Variants in ABCC1 observed in about 807,000 individuals in gnomAD.
The protein encoded by ABCC1 is multidrug resistance-associated protein 1.
Under a neutral mutation model 172.9 loss-of-function variants are expected in ABCC1, and 83 were observed. That is an observed-to-expected ratio of 0.48 (90% CI 0.40 to 0.58). The LOEUF is 0.58. Ranked by LOEUF, ABCC1 falls within the 20% of genes least tolerant of loss-of-function variation. The pLI is 0.00. For missense variants in ABCC1, 1,817 were observed against 2,002.7 expected, an observed-to-expected ratio of 0.91 and a Z score of 1.77; for synonymous variants, 937 against 825.2, an observed-to-expected ratio of 1.14 and a Z score of -2.32.
intron 1 of ABCC1, among the ~76,000 whole-genome samples, chr16:15,983,894 C>A (rs2046686398): frequency 6.6e-6 from 1 of 151,960 alleles, no homozygotes; most frequent in African/African-American, 2.4e-5. Flanking sequence ...CTTAGAGATG[C>A]CTGGGTCTGC....
At chr16:16,012,704 TTGAG>T (rs1334656667) in intron 3 of ABCC1, among the ~76,000 whole-genome samples, 1,717 of 108,502 alleles carry the variant, frequency 0.016, 43 homozygotes, top group African/African-American at 0.072. Context: ...TTTTTTTCCT[TTGAG>T]GCAGAGTTTC....
chr16:16,063,784 C>T (rs1040958425), intron 12 of ABCC1, among the ~76,000 whole-genome samples: 4 of 152,156 alleles, frequency 2.6e-5, no homozygotes, highest in African/African-American at 7.2e-5. Context: ...ATCCTGTCAC[C>T]TCAGCAACCC....
Position 16,141,468 on chromosome 16 carries a change from G to A in ABCC1, c.*187G>A. ...CGGTCCCCTGCCTGGAACTGGCTGT[G>A]AAGACCCAGGAGAGACAGAGATGCG... is the stretch of plus-strand genomic sequence containing the variant. On this transcript the variant is annotated 3_prime_UTR_variant, in exon 31 of 31. Transcript: ENST00000399410. The A allele has an allele frequency of 1.7e-6, 1 of 601,030 alleles. No homozygotes were observed. The allele number at this position is 601,030 out of a possible 1,614,324, so 37.2% of individuals were successfully genotyped here. A position where few individuals can be genotyped will look rare whatever the true frequency, so the allele number is the denominator to read the frequency against.
At position 16,034,306 on chromosome 16, in the gene ABCC1, C is replaced by A. The variant is rs151320625; in HGVS notation, c.677+1136C>A. Among the ~76,000 whole-genome samples, 562 of 151,642 alleles carry A rather than the reference C, an allele frequency of 3.7e-3. 4 individuals carry two copies. Among genetic ancestry groups the A allele is most frequent in the Middle Eastern group, 6.9e-3 (2 of 288 alleles). ...GCCTCCAGAGTGCTGGGATTACAGG[C>A]GTGAACCACCATGCCCGGTCTCATC... On this transcript the variant is annotated intron_variant, in intron 6 of 30. Transcript: ENST00000399410.
intron 21 of ABCC1, 103 bp from the exon 22 acceptor site, chr16:16,111,272 C>A: frequency 1.1e-6 from 1 of 908,026 alleles, no homozygotes. Flanking sequence ...CAAAGGCAGG[C>A]AGCTGGGTGG....
intron 1 of ABCC1, among the ~76,000 whole-genome samples, chr16:16,005,635 T>C (rs374605161): frequency 2.6e-5 from 4 of 152,208 alleles, no homozygotes; most frequent in African/African-American, 7.2e-5. Flanking sequence ...CGTGAGCCAC[T>C]GCGCCCAGAA....
intron 5 of ABCC1, among the ~76,000 whole-genome samples, chr16:16,022,477 C>T (rs922327573): frequency 2.6e-5 from 4 of 152,026 alleles, no homozygotes; most frequent in African/African-American, 9.7e-5. Context: ...GGGATCAAGG[C>T]CAAAGGAGAT....
intron 1 of ABCC1, among the ~76,000 whole-genome samples, chr16:15,959,250 C>A (rs1394450955): frequency 1.3e-5 from 2 of 152,198 alleles, no homozygotes; most frequent in Non-Finnish European, 2.9e-5. Flanking sequence ...GTCTTTTTAC[C>A]TTTTTCCATT....
chr16:16,018,803 T>TTA (rs1555483652), intron 5 of ABCC1, among the ~76,000 whole-genome samples: 3 of 151,140 alleles, frequency 2.0e-5, no homozygotes, highest in African/African-American at 7.3e-5. Flanking sequence ...ATGTGTGTGT[T>TTA]TGTGTGTGTG....
rs187438193 is a variant in ABCC1 at position 15,995,374 on chromosome 16, C to T, written c.49-12442C>T. On this transcript the variant is annotated intron_variant, in intron 1 of 30. Coordinates refer to ENST00000399410, the MANE Select transcript of ABCC1 (RefSeq NM_004996.4). ...CGGCACAGGTTTCTTCATTGCTTTT[C>T]GCCCTTTGCTGAAATGTCATCTTGG... Among the ~76,000 whole-genome samples, 317 of 152,260 alleles carry T rather than the reference C, an allele frequency of 2.1e-3. 2 individuals carry two copies. Among genetic ancestry groups the T allele is most frequent in the African/African-American group, 7.5e-3 (311 of 41,542 alleles).
At chr16:15,982,614 G>A (rs1265705941) in intron 1 of ABCC1, among the ~76,000 whole-genome samples, 2 of 147,872 alleles carry the variant, frequency 1.4e-5, no homozygotes, top group African/African-American at 5.0e-5. Context: ...ATTTGGGTGG[G>A]GACACAGCCA....
chr16:16,045,395 C>CAAAAAA (rs34870561), intron 8 of ABCC1, among the ~76,000 whole-genome samples: 4 of 64,698 alleles, frequency 6.2e-5, no homozygotes, highest in African/African-American at 1.2e-4. Context: ...GACTTTGTCT[C>CAAAAAA]AAAAAAAAAA....
chr16:16,099,580 A>G (rs1215437848), intron 19 of ABCC1, among the ~76,000 whole-genome samples: 1 of 152,238 alleles, frequency 6.6e-6, no homozygotes, highest in African/African-American at 2.4e-5. Context: ...GACTCAGGAA[A>G]TGGGAACTCT....
chr16:16,115,190 G>A, intron 23 of ABCC1, 114 bp downstream of exon 23: 2 of 1,198,672 alleles, frequency 1.7e-6, no homozygotes, highest in Non-Finnish European at 2.3e-6. Context: ...TTTGAAGCAT[G>A]TAGATTTGTT....
intron 1 of ABCC1, among the ~76,000 whole-genome samples, chr16:15,955,973 C>T (rs188639755): frequency 6.6e-6 from 1 of 152,198 alleles, no homozygotes; most frequent in East Asian, 1.9e-4. Context: ...TAGGATGCAG[C>T]GCGGTGGCTT....
At chr16:16,111,631 C>T (rs769012194) in intron 22 of ABCC1, 49 bp downstream of exon 22, 68 of 1,541,922 alleles carry the variant, frequency 4.4e-5, no homozygotes, top group East Asian at 2.3e-5. Context: ...CCTGTTGTGG[C>T]TTTGTCTAAT....
At chr16:15,968,396 G>C (rs1253054780) in intron 1 of ABCC1, among the ~76,000 whole-genome samples, 1 of 151,852 alleles carries the variant, frequency 6.6e-6, no homozygotes, top group Non-Finnish European at 1.5e-5. Context: ...CTTCTCCACA[G>C]ATCCTAAAGA....
At chr16:16,089,247 G>GA (rs1481920350) in intron 18 of ABCC1, among the ~76,000 whole-genome samples, 1 of 152,138 alleles carries the variant, frequency 6.6e-6, no homozygotes, top group Admixed American at 6.6e-5. Flanking sequence ...AGTTGTTTTA[G>GA]AAAAAAATTA....
intron 1 of ABCC1, among the ~76,000 whole-genome samples, chr16:15,964,724 C>T (rs2046207985): frequency 6.6e-6 from 1 of 151,306 alleles, no homozygotes. Flanking sequence ...CCCTATGTTA[C>T]CCAGGCTGGT....
Sources: allele counts gnomAD v4.1 joint callset (sites outside exome capture counted in the v4.1 genomes callset), GRCh38; gene constraint gnomAD v4.1.1; transcripts MANE v1.5; gene names NCBI Gene and HGNC (gene_info 2026-07-23, HGNC 2026-07-21).